TRPC4AP: variants seen among roughly 807,000 people sequenced by gnomAD.
TRPC4AP encodes the protein transient receptor potential cation channel subfamily C member 4 associated protein, also known as short transient receptor potential channel 4-associated protein.
Under a neutral mutation model 99.0 loss-of-function variants are expected in TRPC4AP, and 45 were observed. That is an observed-to-expected ratio of 0.45 (90% CI 0.36 to 0.58). The LOEUF is 0.58. TRPC4AP is among the 20% of genes least tolerant of loss of function. TRPC4AP has a pLI of 0.00. For synonymous variants in TRPC4AP, 408 were observed against 385.8 expected, an observed-to-expected ratio of 1.06 and a Z score of -0.67; for missense variants, 879 against 985.3, an observed-to-expected ratio of 0.89 and a Z score of 1.44.
intron 17 of TRPC4AP, 62 bp from the exon 18 acceptor site, chr20:35,003,678 C>A (rs2082448298): frequency 2.6e-6 from 4 of 1,541,590 alleles, no homozygotes; most frequent in Non-Finnish European, 3.5e-6. Flanking sequence ...CCCTGGTGAA[C>A]CTGGGTAGCC....
rs1003404783 is a variant in TRPC4AP at position 35,015,221 on chromosome 20, G to A, written c.1350+787C>T. On this transcript the variant is annotated intron_variant, in intron 10 of 18. Coordinates refer to ENST00000252015, the MANE Select transcript of TRPC4AP (RefSeq NM_015638.3). ...TCACCATGTTGGCCAGGCTGGTCTC[G>A]AACTCCTGACCTCAAGTGATCTGCC... is the stretch of plus-strand genomic sequence containing the variant. Among the ~76,000 whole-genome samples, 12 of 151,394 alleles carry A rather than the reference G, an allele frequency of 7.9e-5. No homozygotes were observed. In the South Asian group the frequency reaches 1.9e-3, roughly 24 times the overall value.
At chr20:35,092,502 G>A (rs2085102362) in intron 1 of TRPC4AP, 112 bp downstream of exon 1, 2 of 1,290,904 alleles carry the variant, frequency 1.5e-6, no homozygotes, top group South Asian at 1.7e-5. Flanking sequence ...CTTCCGGCCA[G>A]CCAAAAGGGC....
At chr20:35,030,795 GAAGAA>G (rs2083171928) in intron 8 of TRPC4AP, among the ~76,000 whole-genome samples, 1 of 152,148 alleles carries the variant, frequency 6.6e-6, no homozygotes, top group African/African-American at 2.4e-5. Context: ...TTTTTTAACT[GAAGAA>G]AAGGAGAAGA....
At chr20:35,027,011 T>C (rs1002636908) in intron 8 of TRPC4AP, among the ~76,000 whole-genome samples, 1 of 151,348 alleles carries the variant, frequency 6.6e-6, no homozygotes, top group Non-Finnish European at 1.5e-5. Context: ...TTCACTACTT[T>C]TCTAATTTGC....
At chr20:35,031,850 G>C (rs2083202382) in intron 8 of TRPC4AP, among the ~76,000 whole-genome samples, 1 of 151,896 alleles carries the variant, frequency 6.6e-6, no homozygotes, top group Non-Finnish European at 1.5e-5. Flanking sequence ...ATCTACTGCT[G>C]AGTCTTTCTA....
chr20:35,045,185 G>T (rs2083530680), intron 6 of TRPC4AP, among the ~76,000 whole-genome samples: 1 of 152,086 alleles, frequency 6.6e-6, no homozygotes, highest in African/African-American at 2.4e-5. Flanking sequence ...TGAACTCTGT[G>T]TTTATTATTC....
chr20:35,052,084 T>C (rs1008875349), intron 5 of TRPC4AP, among the ~76,000 whole-genome samples: 2 of 150,500 alleles, frequency 1.3e-5, no homozygotes, highest in Admixed American at 6.7e-5. Context: ...ACATTCATCA[T>C]AGGTTTTTTT....
intron 2 of TRPC4AP, among the ~76,000 whole-genome samples, chr20:35,077,127 G>T (rs2084502107): frequency 6.6e-6 from 1 of 152,146 alleles, no homozygotes; most frequent in African/African-American, 2.4e-5. Flanking sequence ...GCAGTTATTA[G>T]GGTGGGAGTG....
chr20:35,057,203 C>T (rs933015083), intron 4 of TRPC4AP, among the ~76,000 whole-genome samples: 1 of 151,950 alleles, frequency 6.6e-6, no homozygotes, highest in Non-Finnish European at 1.5e-5. Context: ...AAAAATAAAA[C>T]AGAGTGATCT....
intron 1 of TRPC4AP, among the ~76,000 whole-genome samples, chr20:35,091,599 T>G (rs544673573): frequency 1.5e-4 from 23 of 152,194 alleles, no homozygotes; most frequent in African/African-American, 5.5e-4. Flanking sequence ...TAAATAAAGC[T>G]AATGTTTTAC....
chr20:35,055,386 TA>T (rs1172359488), intron 4 of TRPC4AP, among the ~76,000 whole-genome samples: 1 of 152,234 alleles, frequency 6.6e-6, no homozygotes, highest in African/African-American at 2.4e-5. Flanking sequence ...GTTTTTTGGC[TA>T]TTTAAGTAGA....
Position 35,021,265 on chromosome 20 carries a change from A to G in TRPC4AP, c.1143T>C (p.Ile381=), listed in dbSNP as rs1600526300. The G allele has an allele frequency of 5.0e-6, 8 of 1,614,024 alleles. No homozygotes were observed. The highest frequency in any genetic ancestry group is 3.3e-4 in the Middle Eastern group (2 of 6,084). The change falls in exon 9 of 19, where the codon ATT becomes ATC. Residue 381 remains isoleucine (I), a synonymous_variant. Coordinates refer to ENST00000252015, the MANE Select transcript of TRPC4AP (RefSeq NM_015638.3). ...ARTQLPQSMK[I]MHEIMYKLEV... ...CCAGTTTGTACATGATCTCATGCATAATCTTCATTGACTGGGGCAGCTGGG... is the reference window on the plus strand; with the variant it reads ...CCAGTTTGTACATGATCTCATGCATGATCTTCATTGACTGGGGCAGCTGGG...
At chr20:35,045,007 A>T (rs2083526958) in intron 6 of TRPC4AP, among the ~76,000 whole-genome samples, 2 of 151,260 alleles carry the variant, frequency 1.3e-5, no homozygotes, top group Admixed American at 6.6e-5. Context: ...TTGCCTATTT[A>T]AAAAAAAAGG....
At chr20:35,007,432 T>C (rs2147265854) in intron 14 of TRPC4AP, 118 bp downstream of exon 14, 1 of 1,061,396 alleles carries the variant, frequency 9.4e-7, no homozygotes, top group South Asian at 1.6e-5. Context: ...GCACAGGCAT[T>C]TGGAAGTCAC....
intron 8 of TRPC4AP, among the ~76,000 whole-genome samples, chr20:35,026,139 G>T (rs2083024212): frequency 6.6e-6 from 1 of 151,914 alleles, no homozygotes; most frequent in South Asian, 2.1e-4. Context: ...TGATCAATAT[G>T]TCTATCCTCA....
At chr20:35,048,066 C>T (rs568076452) in intron 6 of TRPC4AP, among the ~76,000 whole-genome samples, 17 of 152,286 alleles carry the variant, frequency 1.1e-4, no homozygotes, top group African/African-American at 3.9e-4. Flanking sequence ...TATTGATTTG[C>T]ATTTCCTTGA....
chr20:35,007,480 A>C, intron 14 of TRPC4AP, 70 bp downstream of exon 14: 1 of 1,482,396 alleles, frequency 6.7e-7, no homozygotes, highest in East Asian at 2.3e-5. Flanking sequence ...TTTGGGGCTC[A>C]GGACAGGACA....
intron 1 of TRPC4AP, among the ~76,000 whole-genome samples, chr20:35,087,624 T>A (rs945432289): frequency 2.0e-5 from 3 of 152,138 alleles, no homozygotes; most frequent in Non-Finnish European, 2.9e-5. Context: ...ACGCCCATGG[T>A]AAGGAATCCA....
At chr20:35,043,360 C>T (rs758602171) in intron 7 of TRPC4AP, among the ~76,000 whole-genome samples, 7 of 151,852 alleles carry the variant, frequency 4.6e-5, no homozygotes, top group Non-Finnish European at 1.0e-4. Flanking sequence ...AATTATCCTG[C>T]CTCAGCCTTC....
Sources: allele counts gnomAD v4.1 joint callset (sites outside exome capture counted in the v4.1 genomes callset), GRCh38; gene constraint gnomAD v4.1.1; transcripts MANE v1.5; gene names NCBI Gene and HGNC (gene_info 2026-07-23, HGNC 2026-07-21).